PCDHA7: variants seen among roughly 807,000 people sequenced by gnomAD.
PCDHA7 encodes protocadherin alpha-7.
PCDHA7 carries 37 observed loss-of-function variants against 57.2 expected under a neutral mutation model. The ratio of observed to expected loss-of-function variants is 0.65; its 90% CI spans 0.50 to 0.85. The LOEUF is 0.85. PCDHA7 is among the 40% of genes least tolerant of loss of function. The pLI, the probability that PCDHA7 is intolerant of heterozygous loss-of-function variation, is 0.00. For missense variants in PCDHA7, 1,188 were observed against 1,241.8 expected (o/e 0.96, Z 0.65); for synonymous variants, 553 against 558.8 (o/e 0.99, Z 0.15).
chr5:140,966,318 C>A, intron 1 of PCDHA7: 1 of 389,680 alleles, frequency 2.6e-6, no homozygotes, highest in African/African-American at 2.1e-5. Context: ...TCCTGCGGTC[C>A]GCTGGGATCC....
chr5:141,006,282 G>A (rs2098265578), intron 3 of PCDHA7, among the ~76,000 whole-genome samples: 1 of 151,970 alleles, frequency 6.6e-6, no homozygotes, highest in Non-Finnish European at 1.5e-5. Context: ...CACGATCTCA[G>A]CTCACTGCAA....
intron 3 of PCDHA7, among the ~76,000 whole-genome samples, chr5:140,985,779 G>A (rs2097170620): frequency 7.9e-6 from 1 of 126,148 alleles, no homozygotes; most frequent in Non-Finnish European, 1.6e-5. Flanking sequence ...TCGCTCTGTC[G>A]CCCAGGCTGG....
At chr5:140,993,123 C>G (rs925185301) in intron 3 of PCDHA7, among the ~76,000 whole-genome samples, 1 of 152,180 alleles carries the variant, frequency 6.6e-6, no homozygotes, top group African/African-American at 2.4e-5. Context: ...ACATCAATTT[C>G]CTTCTGTTGC....
At chr5:140,859,564 T>C (rs1485342006) in intron 1 of PCDHA7, 1 of 176,228 alleles carries the variant, frequency 5.7e-6, no homozygotes, top group African/African-American at 2.4e-5. Context: ...ACCAATGCCA[T>C]GAATTTGTCA....
At chr5:140,875,478 G>A (rs2055526738) in intron 1 of PCDHA7, 1 of 1,610,404 alleles carries the variant, frequency 6.2e-7, no homozygotes, top group Admixed American at 1.7e-5. Flanking sequence ...CTGCAATGGT[G>A]ATTATCGGAC....
At chr5:140,982,317 AG>A in intron 2 of PCDHA7, 157 bp from the exon 3 acceptor site, 1 of 1,347,244 alleles carries the variant, frequency 7.4e-7, no homozygotes, top group East Asian at 2.5e-5. Flanking sequence ...CAGTTTATGC[AG>A]GGTGACTGCT....
At chr5:140,943,854 CAAG>C (rs1298449902) in intron 1 of PCDHA7, among the ~76,000 whole-genome samples, 7 of 152,158 alleles carry the variant, frequency 4.6e-5, no homozygotes, top group African/African-American at 1.7e-4. Flanking sequence ...TCACAGAAGT[CAAG>C]AAGAGGTCTC....
In PCDHA7 at chr5:141,010,450, G is replaced by T; in HGVS notation, c.*513G>T. 7.6e-6 allele frequency: 7 copies of T among 920,886 alleles called. No homozygotes were observed. The South Asian group carries it at 1.3e-4, about 17-fold the overall frequency. The allele number at this position is 920,886 out of a possible 1,614,324, so 57.0% of individuals were successfully genotyped here. A position where few individuals can be genotyped will look rare whatever the true frequency, so the allele number is the denominator to read the frequency against. ...AAGAAAACAAAGACAAATAAACAGC[G>T]GAAGTTATCAGTATGGAGGGGAAGT... is the stretch of plus-strand genomic sequence containing the variant. On this transcript the variant is annotated 3_prime_UTR_variant, in exon 4 of 4. Transcript: ENST00000525929.
Position 140,927,792 on chromosome 5 carries a change from T to C in PCDHA7, c.2356-51157T>C, listed in dbSNP as rs12522306. On this transcript the variant is annotated intron_variant, in intron 1 of 3. Coordinates refer to ENST00000525929, the MANE Select transcript of PCDHA7 (RefSeq NM_018910.3). The stretch of plus-strand genomic sequence containing the variant: ...AGGTGCAAGTAGCTGCTTCACTAGG[T>C]CCGCCTGAAACGCTCTTGGAGGCAT... 8,419 of 1,614,148 alleles carry C rather than the reference T, an allele frequency of 5.2e-3. 630 individuals carry two copies. The Admixed American group carries it at 0.13, about 25-fold the overall frequency.
chr5:140,943,274 A>AAAAG (rs1349019397), intron 1 of PCDHA7, among the ~76,000 whole-genome samples: 1 of 141,284 alleles, frequency 7.1e-6, no homozygotes, highest in Admixed American at 7.3e-5. Context: ...AAAAAAAAAA[A>AAAAG]AAAGAAAGAA....
At position 140,982,439 on chromosome 5, in the gene PCDHA7, G is replaced by A. The variant is rs553328430; in HGVS notation, c.2415-36G>A. The A allele has an allele frequency of 6.8e-5, 109 of 1,613,560 alleles. 3 individuals carry two copies. In the South Asian group the frequency reaches 1.0e-3, roughly 15 times the overall value. On this transcript the variant is annotated intron_variant, in intron 2 of 3. Transcript: ENST00000525929. ...GAAGAAGAGATGGGAAAGAATTTAT[G>A]ATCTAACCGTTATCTGGGTCTGTGT... is the stretch of plus-strand genomic sequence containing the variant.
At position 140,849,642 on chromosome 5, in the gene PCDHA7, G is replaced by A. The variant is rs2150443693; in HGVS notation, c.2355+12904G>A. 5 of 1,598,584 alleles carry A rather than the reference G, an allele frequency of 3.1e-6. No individual in the cohort carries two copies. The African/African-American group carries it at 4.0e-5, about 13-fold the overall frequency. Reference sequence around the variant, plus strand: ...GATCGACCTAGACGCAGATGCCAACGGGCAGGTTACCTGCTCCCTGACGCC... The same window carrying A: ...GATCGACCTAGACGCAGATGCCAACAGGCAGGTTACCTGCTCCCTGACGCC... On this transcript the variant is annotated intron_variant, in intron 1 of 3. Coordinates refer to ENST00000525929, the MANE Select transcript of PCDHA7 (RefSeq NM_018910.3).
intron 1 of PCDHA7, among the ~76,000 whole-genome samples, chr5:140,885,154 T>C (rs1483016887): frequency 2.0e-5 from 3 of 152,168 alleles, no homozygotes; most frequent in African/African-American, 7.2e-5. Context: ...GTTTTGATTG[T>C]CTCTACTTTT....
intron 1 of PCDHA7, among the ~76,000 whole-genome samples, chr5:140,961,132 T>G (rs1186627628): frequency 6.6e-6 from 1 of 152,238 alleles, no homozygotes; most frequent in Admixed American, 6.5e-5. Context: ...GTCTTGGCAC[T>G]TAAGAGTTGG....
chr5:140,946,611 A>AATATATAGATATATATATATAT (rs2093974557), intron 1 of PCDHA7, among the ~76,000 whole-genome samples: 1 of 86,814 alleles, frequency 1.2e-5, no homozygotes, highest in Non-Finnish European at 2.1e-5. Context: ...GAAAATGTGA[A>AATATATAGATATATATATATAT]ATATATATAT....
intron 3 of PCDHA7, among the ~76,000 whole-genome samples, chr5:140,992,085 TAGAGAA>T (rs1253503619): frequency 1.4e-5 from 2 of 146,836 alleles, no homozygotes; most frequent in Non-Finnish European, 3.0e-5. Flanking sequence ...TGAGCTAGAG[TAGAGAA>T]AGAGAATTAA....
At chr5:140,843,184 G>C in intron 1 of PCDHA7, 1 of 1,596,022 alleles carries the variant, frequency 6.3e-7, no homozygotes, top group Non-Finnish European at 8.6e-7. Flanking sequence ...CTCGCATCCC[G>C]TTCCGCGTGG....
intron 1 of PCDHA7, among the ~76,000 whole-genome samples, chr5:140,957,899 A>G (rs551066654): frequency 3.0e-4 from 46 of 152,226 alleles, no homozygotes; most frequent in African/African-American, 1.1e-3. Flanking sequence ...GCATCAACCA[A>G]GGCATATTGT....
intron 2 of PCDHA7, 157 bp from the exon 3 acceptor site, chr5:140,982,318 G>C (rs2096977750): frequency 6.6e-6 from 9 of 1,356,910 alleles, no homozygotes; most frequent in Non-Finnish European, 8.8e-6. Flanking sequence ...AGTTTATGCA[G>C]GGTGACTGCT....
Sources: gnomAD v4.1 joint callset for allele counts (sites outside exome capture counted in the v4.1 genomes callset) on GRCh38, gnomAD v4.1.1 for gene constraint, MANE v1.5 for transcripts, NCBI Gene and HGNC (gene_info 2026-07-23, HGNC 2026-07-21) for gene names.